The following SUCLG2 variants were observed in gnomAD, a reference collection of about 807,000 sequenced individuals.
SUCLG2 encodes succinate-CoA ligase GDP-forming subunit beta, also known as succinate--CoA ligase [GDP-forming] subunit beta, mitochondrial.
In SUCLG2, 42 loss-of-function variants were observed where a neutral mutation model predicts 47.9. That is an observed-to-expected ratio of 0.88 (90% CI 0.69 to 1.14). The LOEUF (loss-of-function observed/expected upper bound fraction) is 1.14, where lower values mean the gene tolerates loss of function less well. SUCLG2 is among the 50% of genes most tolerant of loss of function. The pLI is 0.00. For missense variants in SUCLG2, 571 were observed against 525.9 expected, an observed-to-expected ratio of 1.09 and a Z score of -0.84; for synonymous variants, 195 against 197.3, an observed-to-expected ratio of 0.99 and a Z score of 0.10.
intron 2 of SUCLG2, among the ~76,000 whole-genome samples, chr3:67,578,664 T>A (rs556519134): frequency 6.6e-6 from 1 of 152,122 alleles, no homozygotes; most frequent in African/African-American, 2.4e-5. Context: ...GAGATGGGTG[T>A]CTCTAGAGAG....
intron 9 of SUCLG2, among the ~76,000 whole-genome samples, chr3:67,482,903 T>C (rs1480247910): frequency 6.6e-6 from 1 of 152,180 alleles, no homozygotes; most frequent in Non-Finnish European, 1.5e-5. Flanking sequence ...ACCTAAACGT[T>C]TGCTCAAAAA....
At chr3:67,474,004 T>A (rs1251994722) in intron 9 of SUCLG2, among the ~76,000 whole-genome samples, 1 of 152,122 alleles carries the variant, frequency 6.6e-6, no homozygotes, top group Non-Finnish European at 1.5e-5. Flanking sequence ...ACGACTGTAA[T>A]CCCAGCACTT....
intron 9 of SUCLG2, among the ~76,000 whole-genome samples, chr3:67,424,171 G>A (rs1170316796): frequency 6.6e-6 from 1 of 152,112 alleles, no homozygotes; most frequent in African/African-American, 2.4e-5. Context: ...CATCTACCTG[G>A]AATAATCTTG....
intron 2 of SUCLG2, among the ~76,000 whole-genome samples, chr3:67,540,641 CT>C (rs1373957433): frequency 1.5e-4 from 23 of 152,318 alleles, no homozygotes; most frequent in Admixed American, 1.5e-3. Flanking sequence ...TTAAAAGTTC[CT>C]GCCTCCCGGC....
At chr3:67,376,600 A>G (rs1160804187) in intron 10 of SUCLG2, 1 of 729,864 alleles carries the variant, frequency 1.4e-6, no homozygotes, top group East Asian at 1.3e-4. Context: ...GACAGAGCCT[A>G]TTTATAAACA....
At chr3:67,417,466 C>T (rs1703062648) in intron 9 of SUCLG2, among the ~76,000 whole-genome samples, 2 of 152,206 alleles carry the variant, frequency 1.3e-5, no homozygotes, top group Admixed American at 1.3e-4. Context: ...TATAAATTCA[C>T]CTAGCACTAC....
intron 1 of SUCLG2, among the ~76,000 whole-genome samples, chr3:67,626,939 A>G (rs11712851): frequency 2.0e-5 from 3 of 146,494 alleles, no homozygotes; most frequent in Admixed American, 1.4e-4. Flanking sequence ...AAAAAAAAGC[A>G]TAATACATCA....
intron 2 of SUCLG2, among the ~76,000 whole-genome samples, chr3:67,558,467 G>A (rs979105024): frequency 2.6e-5 from 4 of 152,062 alleles, no homozygotes; most frequent in Admixed American, 6.6e-5. Context: ...GCTTGGCCGT[G>A]GTGGACTATG....
rs531827080 is a variant in SUCLG2 at position 67,609,563 on chromosome 3, G to A, written c.118C>T (p.Leu40=). 6.2e-7 allele frequency: 1 copy of A among 1,613,842 alleles called. No individual in the cohort carries two copies. Among genetic ancestry groups the A allele is most frequent in the South Asian group, 1.1e-5 (1 of 91,064 alleles). The part of the protein sequence containing the change: ...VQLTSRRWLN[L]QEYQSKKLMS... Reference sequence around the variant, plus strand: ...AGTTTCTTGCTCTGGTATTCCTGCAGGTTCAGCCATCTTCTGGAGGTTAAT... The same window carrying A: ...AGTTTCTTGCTCTGGTATTCCTGCAAGTTCAGCCATCTTCTGGAGGTTAAT... The change falls in exon 2 of 11, where the codon CTG becomes TTG. Residue 40 remains leucine, a synonymous_variant. Transcript: ENST00000307227.
At chr3:67,615,621 A>AACACACAAACACAAACACACACAC (rs1700612665) in intron 1 of SUCLG2, among the ~76,000 whole-genome samples, 2 of 142,086 alleles carry the variant, frequency 1.4e-5, no homozygotes, top group African/African-American at 5.3e-5. Flanking sequence ...CACAAACACA[A>AACACACAAACACAAACACACACAC]ACACACACAC....
chr3:67,635,400 T>A (rs1019956143), intron 1 of SUCLG2, among the ~76,000 whole-genome samples: 1 of 152,160 alleles, frequency 6.6e-6, no homozygotes. Flanking sequence ...ATTGTGTGTA[T>A]CAGACATAAG....
At chr3:67,429,005 G>A (rs1312745786) in intron 9 of SUCLG2, among the ~76,000 whole-genome samples, 1 of 152,140 alleles carries the variant, frequency 6.6e-6, no homozygotes. Flanking sequence ...AGGGAGAATG[G>A]AACCAAGTTG....
intron 9 of SUCLG2, among the ~76,000 whole-genome samples, chr3:67,428,028 C>A (rs559716604): frequency 6.6e-6 from 1 of 152,352 alleles, no homozygotes; most frequent in South Asian, 2.1e-4. Context: ...ATAGACTCCA[C>A]CTCTGGGGGC....
intron 9 of SUCLG2, among the ~76,000 whole-genome samples, chr3:67,427,585 C>G (rs1345350318): frequency 6.6e-6 from 1 of 152,266 alleles, no homozygotes; most frequent in South Asian, 2.1e-4. Context: ...CCATTTCCAA[C>G]TGAGGTACGA....
chr3:67,630,583 T>C (rs1209504841), intron 1 of SUCLG2, among the ~76,000 whole-genome samples: 1 of 152,236 alleles, frequency 6.6e-6, no homozygotes, highest in Non-Finnish European at 1.5e-5. Flanking sequence ...TGTATAAAGA[T>C]AGATGGCAAA....
At chr3:67,545,611 A>G (rs1193621584) in intron 2 of SUCLG2, among the ~76,000 whole-genome samples, 1 of 152,218 alleles carries the variant, frequency 6.6e-6, no homozygotes, top group Non-Finnish European at 1.5e-5. Flanking sequence ...GGAAGAGTTT[A>G]TATTTGGCTT....
At chr3:67,475,988 C>CCTCTCTCTCTCTCTCTCTCTCTCTCTCT (rs113119377) in intron 9 of SUCLG2, among the ~76,000 whole-genome samples, 1 of 146,048 alleles carries the variant, frequency 6.8e-6, no homozygotes, top group African/African-American at 2.5e-5. Flanking sequence ...TTTCCTTCTC[C>CCTCTCTCTCTCTCTCTCTCTCTCTCTCT]CTCTCTCTCT....
At chr3:67,433,802 A>G (rs1703546581) in intron 9 of SUCLG2, among the ~76,000 whole-genome samples, 1 of 136,878 alleles carries the variant, frequency 7.3e-6, no homozygotes, top group African/African-American at 2.7e-5. Context: ...GGGATTTAGT[A>G]AAAAAAAAAA....
At chr3:67,409,121 GT>G in intron 9 of SUCLG2, 1 of 1,351,386 alleles carries the variant, frequency 7.4e-7, no homozygotes, top group Non-Finnish European at 1.0e-6. Flanking sequence ...GATATTTCCT[GT>G]TTACTGATAA....
Sources: allele counts gnomAD v4.1 joint callset (sites outside exome capture counted in the v4.1 genomes callset), GRCh38; gene constraint gnomAD v4.1.1; transcripts MANE v1.5; gene names NCBI Gene and HGNC (gene_info 2026-07-23, HGNC 2026-07-21).